The following ACTR3C variants were observed in gnomAD, a reference collection of about 807,000 sequenced individuals.
ACTR3C encodes the protein actin related protein 3C, also known as actin-related protein 3C.
In ACTR3C, 18 loss-of-function variants were observed where a neutral mutation model predicts 26.3. The ratio of observed to expected loss-of-function variants is 0.68; its 90% confidence interval spans 0.47 to 1.01. The LOEUF is 1.01. ACTR3C is among the 50% of genes least tolerant of loss of function. The probability of loss-of-function intolerance (pLI) is 0.00; values close to 1 mark genes in which losing one functional copy is unlikely to be tolerated. For missense variants in ACTR3C, 184 were observed against 250.7 expected, an observed-to-expected ratio of 0.73 and a Z score of 1.80; for synonymous variants, 55 against 94.5, an observed-to-expected ratio of 0.58 and a Z score of 2.42.
chr7:150,146,682 G>A, the ACTR3C span, among the ~76,000 whole-genome samples: 1 of 152,140 alleles, frequency 6.6e-6, no homozygotes, highest in Non-Finnish European at 1.5e-5. Flanking sequence ...ATCCGGGGAT[G>A]CCTTCTGAGA....
At chr7:150,118,840 G>C in the ACTR3C span, among the ~76,000 whole-genome samples, 1 of 146,572 alleles carries the variant, frequency 6.8e-6, no homozygotes, top group Non-Finnish European at 1.5e-5. Flanking sequence ...AGAGAGAAAG[G>C]TCAGGTTACC....
chr7:150,199,802 G>T, the ACTR3C span, among the ~76,000 whole-genome samples: 34 of 144,146 alleles, frequency 2.4e-4, 1 homozygote, highest in Admixed American at 1.5e-3. Context: ...GTATTAATTA[G>T]CTTGATTGCT....
chr7:149,888,976 C>T, the ACTR3C span, among the ~76,000 whole-genome samples: 1 of 151,572 alleles, frequency 6.6e-6, no homozygotes, highest in Non-Finnish European at 1.5e-5. Context: ...CCACTGCACT[C>T]CAGCCTGGGC....
the ACTR3C span, among the ~76,000 whole-genome samples, chr7:150,036,848 G>GAT: frequency 8.2e-6 from 1 of 122,618 alleles, no homozygotes; most frequent in African/African-American, 2.9e-5. Context: ...GAGCAACGAT[G>GAT]GGGGGTCCTA....
the ACTR3C span, among the ~76,000 whole-genome samples, chr7:150,194,654 T>C: frequency 1.3e-5 from 2 of 152,236 alleles, no homozygotes; most frequent in African/African-American, 2.4e-5. Flanking sequence ...TTTCTTCTTT[T>C]TCTGATTTGT....
the ACTR3C span, among the ~76,000 whole-genome samples, chr7:150,029,006 T>C: frequency 2.6e-5 from 4 of 151,938 alleles, no homozygotes; most frequent in African/African-American, 9.7e-5. Flanking sequence ...TCCAGCCCTC[T>C]CCTCTTATTA....
the ACTR3C span, among the ~76,000 whole-genome samples, chr7:150,035,906 C>CTG: frequency 1.4e-4 from 18 of 127,502 alleles, 3 homozygotes; most frequent in East Asian, 2.3e-4. Flanking sequence ...TCAGTCCCCA[C>CTG]CCTCGCGGGG....
At chr7:150,217,067 C>CACAT in the ACTR3C span, among the ~76,000 whole-genome samples, 1 of 139,220 alleles carries the variant, frequency 7.2e-6, no homozygotes, top group South Asian at 2.2e-4. Flanking sequence ...AAAGTGAAGT[C>CACAT]GCCTTGTCCT....
chr7:149,946,035 A>G, the ACTR3C span, among the ~76,000 whole-genome samples: 2 of 152,202 alleles, frequency 1.3e-5, no homozygotes, highest in African/African-American at 4.8e-5. Flanking sequence ...AAGCGAGTGA[A>G]TCATGGGGGG....
the ACTR3C span, among the ~76,000 whole-genome samples, chr7:150,037,948 G>T: frequency 7.2e-6 from 1 of 139,676 alleles, no homozygotes; most frequent in Non-Finnish European, 1.6e-5. Context: ...TGCGATGGCG[G>T]TGCAAAGAGC....
the ACTR3C span, chr7:150,074,028 A>C: frequency 1.3e-5 from 2 of 151,224 alleles, no homozygotes; most frequent in Non-Finnish European, 3.0e-5. Context: ...TGTCATCACA[A>C]ATGGAGAAAA....
chr7:150,103,527 T>G, the ACTR3C span, among the ~76,000 whole-genome samples: 2 of 151,946 alleles, frequency 1.3e-5, no homozygotes, highest in East Asian at 3.9e-4. Context: ...GACCACGCCA[T>G]GATTTCCACT....
chr7:150,086,685 T>A, the ACTR3C span, among the ~76,000 whole-genome samples: 4 of 152,096 alleles, frequency 2.6e-5, no homozygotes, highest in African/African-American at 9.7e-5. Context: ...TGAGGGCACC[T>A]CAAGGGCAAA....
At chr7:150,043,564 T>A in the ACTR3C span, among the ~76,000 whole-genome samples, 2 of 152,248 alleles carry the variant, frequency 1.3e-5, no homozygotes, top group Non-Finnish European at 1.5e-5. Flanking sequence ...TCTCAGTACC[T>A]GGCCTCATGG....
chr7:150,294,984 A>G lies in ACTR3C; in HGVS notation c.45+268T>C, dbSNP rs377364661. Among the ~76,000 whole-genome samples, 4 of 152,234 alleles carry G rather than the reference A, an allele frequency of 2.6e-5. No homozygotes were observed. The South Asian group carries it at 8.3e-4, about 32-fold the overall frequency. ...CAAAAGAAGAAGCACATCTACACCT[A>G]TATCTTGTCACCCAGATAAAAATGC... On this transcript the variant is annotated intron_variant, in intron 2 of 7. Coordinates refer to ENST00000683684, the MANE Select transcript of ACTR3C (RefSeq NM_001164458.2).
At chr7:149,969,312 TG>T in the ACTR3C span, among the ~76,000 whole-genome samples, 1 of 44,862 alleles carries the variant, frequency 2.2e-5, no homozygotes, top group African/African-American at 4.6e-5. Context: ...TGTGTGTGTG[TG>T]TGTGTGTGTG....
At chr7:150,305,968 C>T (rs1795778169) in intron 1 of ACTR3C, among the ~76,000 whole-genome samples, 1 of 152,144 alleles carries the variant, frequency 6.6e-6, no homozygotes, top group African/African-American at 2.4e-5. Context: ...TCCCCTTTAA[C>T]TATTCCATTA....
the ACTR3C span, among the ~76,000 whole-genome samples, chr7:150,162,104 C>T: frequency 6.6e-6 from 1 of 151,960 alleles, no homozygotes; most frequent in South Asian, 2.1e-4. Context: ...TTAAAATAAC[C>T]CTTTGTATCT....
chr7:150,199,789 G>A, the ACTR3C span, among the ~76,000 whole-genome samples: 3 of 133,278 alleles, frequency 2.3e-5, no homozygotes, highest in Non-Finnish European at 4.6e-5. Flanking sequence ...TGAGGTAACA[G>A]ATGTATTAAT....
Sources: gnomAD v4.1 joint callset for allele counts (sites outside exome capture counted in the v4.1 genomes callset) on GRCh38, gnomAD v4.1.1 for gene constraint, MANE v1.5 for transcripts, NCBI Gene and HGNC (gene_info 2026-07-23, HGNC 2026-07-21) for gene names.